The following MTA3 variants were observed in gnomAD, a reference collection of about 807,000 sequenced individuals.
MTA3 encodes metastasis-associated protein MTA3.
A neutral mutation model predicts 83.5 loss-of-function variants in MTA3; 34 were observed. The observed-to-expected ratio is 0.41, with a 90% CI of 0.31 to 0.54. MTA3 has a LOEUF of 0.54. Ranked by LOEUF, MTA3 falls within the 20% of genes least tolerant of loss-of-function variation. The pLI is 0.33. For synonymous variants in MTA3, 303 were observed against 252.7 expected, an observed-to-expected ratio of 1.20 and a Z score of -1.89; for missense variants, 761 against 726.4, an observed-to-expected ratio of 1.05 and a Z score of -0.55.
intron 6 of MTA3, 146 bp from the exon 7 acceptor site, chr2:42,656,054 C>T: frequency 3.5e-6 from 2 of 575,300 alleles, no homozygotes; most frequent in Non-Finnish European, 6.2e-6. Context: ...AGGTGTTGTA[C>T]ATCTACGTCT....
chr2:42,743,739 AG>A (rs1669206425), intron 16 of MTA3, among the ~76,000 whole-genome samples: 1 of 152,178 alleles, frequency 6.6e-6, no homozygotes, highest in African/African-American at 2.4e-5. Flanking sequence ...GTGATTCAAC[AG>A]TTCTAACTGT....
At chr2:42,570,363 C>A in intron 1 of MTA3, 74 bp from the exon 2 acceptor site, 3 of 908,554 alleles carry the variant, frequency 3.3e-6, no homozygotes, top group East Asian at 2.7e-5. Context: ...AAATGCCTAA[C>A]ATAAAAAGTC....
upstream of MTA3, among the ~76,000 whole-genome samples, chr2:42,566,006 T>C (rs1426038447): frequency 2.0e-5 from 3 of 151,896 alleles, no homozygotes; most frequent in Admixed American, 2.0e-4. Context: ...CGAAACTCCG[T>C]CTCAAAAAAA....
chr2:42,512,339 A>C (rs1674942586), intron 2 of MTA3, among the ~76,000 whole-genome samples: 1 of 152,112 alleles, frequency 6.6e-6, no homozygotes, highest in African/African-American at 2.4e-5. Flanking sequence ...GTTTTTCGGG[A>C]TTCCACTTCC....
chr2:42,682,311 G>A (rs139703361), intron 8 of MTA3, 90 bp from the exon 9 acceptor site: 10 of 881,060 alleles, frequency 1.1e-5, no homozygotes, highest in African/African-American at 6.7e-5. Flanking sequence ...TGTTAATTAA[G>A]TACATCATAT....
At chr2:42,577,105 A>AAAAAAAAAAAAAAAATATATATAT (rs1211189566) in intron 2 of MTA3, among the ~76,000 whole-genome samples, 1 of 86,952 alleles carries the variant, frequency 1.2e-5, no homozygotes, top group African/African-American at 5.5e-5. Flanking sequence ...AAAAAAAAAA[A>AAAAAAAAAAAAAAAATATATATAT]ATATATATAT....
intron 8 of MTA3, among the ~76,000 whole-genome samples, chr2:42,681,380 A>T (rs1439185658): frequency 1.3e-5 from 2 of 152,212 alleles, no homozygotes; most frequent in Non-Finnish European, 2.9e-5. Flanking sequence ...GTCTTAGTAC[A>T]TGATTCCTCA....
Position 42,754,878 on chromosome 2 carries a change from G to C in MTA3, c.*1479G>C, listed in dbSNP as rs1484104760. ...TTGGCAGAGAGAGCGTGCTGTGTGA[G>C]GTGGAGGGCGGTTTTGCAGACATCT... On this transcript the variant is annotated 3_prime_UTR_variant, in exon 17 of 17. Transcript: ENST00000405094. 1 of 985,484 alleles carries C rather than the reference G, an allele frequency of 1.0e-6. No homozygotes were observed. The highest frequency in any genetic ancestry group is 1.2e-6 in the Non-Finnish European group (1 of 830,078). 61.0% of individuals were successfully genotyped at this position (985,484 alleles called of 1,614,324 possible).
rs557157547 is a variant in MTA3 at position 42,525,418 on chromosome 2, T to A, written c.-141+30164T>A. On this transcript the variant is annotated intron_variant, in intron 2 of 17. Transcript: ENST00000405592. The stretch of plus-strand genomic sequence containing the variant: ...TTTCACCGTGTTGCCCAGGTTGGTC[T>A]TGCACTCCTGAGCTCAGGCAATCTG... Among the ~76,000 whole-genome samples, 6 of 151,944 alleles carry A rather than the reference T, an allele frequency of 3.9e-5. No individual in the cohort carries two copies. In the South Asian group the frequency reaches 1.3e-3, roughly 32 times the overall value.
chr2:42,714,968 T>G (rs1666923255), intron 14 of MTA3, among the ~76,000 whole-genome samples: 1 of 152,198 alleles, frequency 6.6e-6, no homozygotes, highest in Admixed American at 6.5e-5. Context: ...GGCCTGGGGC[T>G]TGGGGACCCC....
chr2:42,726,102 C>A (rs1267534216), intron 16 of MTA3, among the ~76,000 whole-genome samples: 3 of 152,174 alleles, frequency 2.0e-5, no homozygotes, highest in South Asian at 2.1e-4. Context: ...GAAATAGATA[C>A]AAACTCATGG....
At chr2:42,694,442 G>A (rs1023175117) in intron 9 of MTA3, among the ~76,000 whole-genome samples, 1 of 152,132 alleles carries the variant, frequency 6.6e-6, no homozygotes, top group Non-Finnish European at 1.5e-5. Flanking sequence ...CCAACCGATA[G>A]GATAGGTGAT....
At chr2:42,612,119 ATAG>A (rs1684295352) in intron 4 of MTA3, among the ~76,000 whole-genome samples, 1 of 152,100 alleles carries the variant, frequency 6.6e-6, no homozygotes, top group African/African-American at 2.4e-5. Context: ...AGAAAGAAAA[ATAG>A]TAGGTGATTA....
chr2:42,526,008 C>G (rs978758334), intron 2 of MTA3, among the ~76,000 whole-genome samples: 1 of 152,068 alleles, frequency 6.6e-6, no homozygotes, highest in Non-Finnish European at 1.5e-5. Context: ...AGAACCCCCT[C>G]GTTAATGCCT....
intron 8 of MTA3, among the ~76,000 whole-genome samples, chr2:42,679,305 A>G (rs558962417): frequency 1.3e-5 from 2 of 152,272 alleles, no homozygotes; most frequent in East Asian, 3.9e-4. Flanking sequence ...CCCAGATTTT[A>G]TATTGCCTTT....
chr2:42,566,728 G>T (rs557984776), upstream of MTA3, among the ~76,000 whole-genome samples: 2 of 152,344 alleles, frequency 1.3e-5, no homozygotes, highest in South Asian at 2.1e-4. Context: ...AACAGGGAAA[G>T]ATTTCGAAGG....
At chr2:42,553,146 C>T (rs564575029) in intron 2 of MTA3, among the ~76,000 whole-genome samples, 1 of 151,206 alleles carries the variant, frequency 6.6e-6, no homozygotes, top group Non-Finnish European at 1.5e-5. Flanking sequence ...GCTGGGTGGG[C>T]CGGGCGCAGT....
At chr2:42,556,540 G>A (rs770088005) in intron 2 of MTA3, among the ~76,000 whole-genome samples, 8 of 152,126 alleles carry the variant, frequency 5.3e-5, no homozygotes, top group African/African-American at 7.2e-5. Context: ...TAATGCATCC[G>A]ATCCCAGCAA....
intron 2 of MTA3, among the ~76,000 whole-genome samples, chr2:42,497,803 A>G (rs189541249): frequency 4.0e-4 from 61 of 152,334 alleles, no homozygotes; most frequent in Non-Finnish European, 7.1e-4. Flanking sequence ...AGTGCATGAC[A>G]CTAGAAACAT....
Sources: allele counts gnomAD v4.1 joint callset (sites outside exome capture counted in the v4.1 genomes callset), GRCh38; gene constraint gnomAD v4.1.1; transcripts MANE v1.5; gene names NCBI Gene and HGNC (gene_info 2026-07-23, HGNC 2026-07-21).